The following UFD1 variants were observed in gnomAD, a reference collection of about 807,000 sequenced individuals.
The protein encoded by UFD1 is ubiquitin recognition factor in ER associated degradation 1, also known as ubiquitin recognition factor in ER-associated degradation protein 1.
Under a neutral mutation model 45.9 loss-of-function variants are expected in UFD1, and 13 were observed. The ratio of observed to expected loss-of-function variants is 0.28; its 90% CI spans 0.18 to 0.45. UFD1 has a LOEUF of 0.45. Among genes scored for constraint, UFD1 ranks in the 20% least tolerant of loss-of-function variants. The pLI, the probability that UFD1 is intolerant of heterozygous loss-of-function variation, is 1.00. For missense variants in UFD1, 218 were observed against 389.2 expected, an observed-to-expected ratio of 0.56 and a Z score of 3.70; for synonymous variants, 128 against 139.2, an observed-to-expected ratio of 0.92 and a Z score of 0.56.
chr22:19,458,844 C>T (rs1201950216), intron 6 of UFD1, among the ~76,000 whole-genome samples: 1 of 152,206 alleles, frequency 6.6e-6, no homozygotes, highest in East Asian at 1.9e-4. Context: ...TGCTCCTTGA[C>T]TTATGATGGA....
At chr22:19,467,645 C>A in intron 5 of UFD1, 1 of 576,046 alleles carries the variant, frequency 1.7e-6, no homozygotes, top group Non-Finnish European at 2.9e-6. Context: ...TCATTGTGGT[C>A]TCCATGAAGT....
At chr22:19,455,605 G>C in intron 10 of UFD1, 75 bp downstream of exon 10, 9 of 1,416,378 alleles carry the variant, frequency 6.4e-6, no homozygotes, top group Non-Finnish European at 8.9e-6. Flanking sequence ...TCCAGAACTG[G>C]GGTGAGGCTG....
chr22:19,467,207 A>T (rs923380110), intron 5 of UFD1: 2 of 151,402 alleles, frequency 1.3e-5, no homozygotes, highest in African/African-American at 4.9e-5. Flanking sequence ...AAAAAAAAAG[A>T]AGTAGAATGG....
At chr22:19,451,025 G>T in intron 11 of UFD1, 1 of 1,082,274 alleles carries the variant, frequency 9.2e-7, no homozygotes, top group Non-Finnish European at 1.1e-6. Context: ...TTGGGAGGCT[G>T]AGACGGGAGG....
chr22:19,477,211 G>A (rs1351825986), intron 1 of UFD1, among the ~76,000 whole-genome samples: 1 of 152,024 alleles, frequency 6.6e-6, no homozygotes, highest in Non-Finnish European at 1.5e-5. Context: ...AAGAACTGGA[G>A]GCAGAATCAA....
intron 6 of UFD1, among the ~76,000 whole-genome samples, chr22:19,464,969 G>C (rs1303325372): frequency 1.8e-4 from 28 of 152,236 alleles, no homozygotes; most frequent in Admixed American, 1.8e-3. Context: ...ACAGAGGTAT[G>C]ACTAATAAGT....
chr22:19,453,233 A>G, intron 11 of UFD1: 1 of 985,380 alleles, frequency 1.0e-6, no homozygotes, highest in East Asian at 1.1e-4. Context: ...TCCACAATCT[A>G]CACAGAACTG....
intron 7 of UFD1, among the ~76,000 whole-genome samples, chr22:19,457,784 C>T (rs1314188685): frequency 6.6e-6 from 1 of 152,014 alleles, no homozygotes. Flanking sequence ...GCACTCCAGC[C>T]TGGGCAACAG....
chr22:19,454,567 T>G, intron 11 of UFD1, 182 bp downstream of exon 11: 1 of 1,318,708 alleles, frequency 7.6e-7, no homozygotes, highest in Non-Finnish European at 1.0e-6. Context: ...TCCCCAGCCA[T>G]GTGAACTGTA....
chr22:19,451,866 G>C, intron 11 of UFD1: 11 of 985,392 alleles, frequency 1.1e-5, no homozygotes, highest in Non-Finnish European at 1.3e-5. Flanking sequence ...CTGGGCCTTC[G>C]CCCTGCCGTA....
Position 19,450,364 on chromosome 22 carries a change from G to A in UFD1, c.*306C>T, listed in dbSNP as rs969335325. 8 of 318,936 alleles carry A rather than the reference G, an allele frequency of 2.5e-5. No homozygotes were observed. In the Admixed American group the frequency reaches 3.5e-4, roughly 14 times the overall value. The allele number at this position is 318,936 out of a possible 1,614,324, so 19.8% of individuals were successfully genotyped here. A position where few individuals can be genotyped will look rare whatever the true frequency, so the allele number is the denominator to read the frequency against. On this transcript the variant is annotated 3_prime_UTR_variant, in exon 12 of 12. Coordinates refer to ENST00000263202, the MANE Select transcript of UFD1 (RefSeq NM_005659.7). ...CTTCATAGGTTTTGACAGAATTAGG[G>A]ATGCAGAATTGCTCCTGCTGAGGCA...
Position 19,471,677 on chromosome 22 carries a change from C to T in UFD1, c.291+10G>A, listed in dbSNP as rs370142325. 1.2e-4 allele frequency: 199 copies of T among 1,611,642 alleles called. No homozygotes were observed. The highest frequency in any genetic ancestry group is 1.6e-4 in the Non-Finnish European group (194 of 1,179,584). On this transcript the variant is annotated intron_variant, in intron 4 of 11. Transcript: ENST00000263202. ...GGCTGCTCTCTAGAGACCCTGGCAG[C>T]CCCACTCACCCAGTGTGGGAGGTAG...
At chr22:19,459,526 A>C (rs1341634294) in intron 6 of UFD1, among the ~76,000 whole-genome samples, 1 of 151,992 alleles carries the variant, frequency 6.6e-6, no homozygotes, top group African/African-American at 2.4e-5. Context: ...GAGGCAGGAG[A>C]ATGGTGTGAA....
rs1378488595 is a variant in UFD1 at position 19,450,171 on chromosome 22, A to G, written c.*499T>C. 6.6e-6 allele frequency: 1 copy of G among 152,610 alleles called. No individual in the cohort carries two copies. Among genetic ancestry groups the G allele is most frequent in the Non-Finnish European group, 1.5e-5 (1 of 68,312 alleles). 9.5% of individuals were successfully genotyped at this position (152,610 alleles called of 1,614,324 possible). A position where few individuals can be genotyped will look rare whatever the true frequency, so the allele number is the denominator to read the frequency against. On this transcript the variant is annotated 3_prime_UTR_variant, in exon 12 of 12. Transcript: ENST00000263202. ...AATAAAAATAGAAACATTCTTTGTC[A>G]AATACTTAAATTGCAGCCACAGTAG...
chr22:19,455,613 C>T, intron 10 of UFD1, 67 bp downstream of exon 10: 1 of 1,511,818 alleles, frequency 6.6e-7, no homozygotes. Context: ...TGGGGTGAGG[C>T]TGCCCGACCC....
At chr22:19,452,306 T>C (rs1365835371) in intron 11 of UFD1, 2 of 152,238 alleles carry the variant, frequency 1.3e-5, no homozygotes, top group African/African-American at 2.4e-5. Flanking sequence ...GGACACCAGA[T>C]TGAATTATGG....
rs13447173 is a variant in UFD1 at position 19,478,245 on chromosome 22, T to C, written c.3+838A>G. Among the ~76,000 whole-genome samples, 6 of 152,172 alleles carry C rather than the reference T, an allele frequency of 3.9e-5. No homozygotes were observed. In the East Asian group the frequency reaches 9.7e-4, roughly 25 times the overall value. On this transcript the variant is annotated intron_variant, in intron 1 of 11. Coordinates refer to ENST00000263202, the MANE Select transcript of UFD1 (RefSeq NM_005659.7). ...CTGGAACATATCAGGTATTCTTGAG[T>C]GGATGAACTCAAGAATAGAAATAAG...
intron 1 of UFD1, among the ~76,000 whole-genome samples, chr22:19,477,006 C>A (rs889191183): frequency 4.5e-3 from 444 of 98,114 alleles, no homozygotes; most frequent in Middle Eastern, 5.5e-3. Context: ...GACTCCATCT[C>A]AAAAAAAAAA....
At chr22:19,458,697 CCA>C (rs888104143) in intron 6 of UFD1, among the ~76,000 whole-genome samples, 96 of 152,280 alleles carry the variant, frequency 6.3e-4, no homozygotes, top group African/African-American at 2.1e-3. Context: ...CCCACCTCGG[CCA>C]CACAAAGAAC....
Sources: allele counts gnomAD v4.1 joint callset (sites outside exome capture counted in the v4.1 genomes callset), GRCh38; gene constraint gnomAD v4.1.1; transcripts MANE v1.5; gene names NCBI Gene and HGNC (gene_info 2026-07-23, HGNC 2026-07-21).